Variants in VAV3 observed in about 807,000 individuals in gnomAD.
VAV3 encodes the protein guanine nucleotide exchange factor VAV3.
A neutral mutation model predicts 131.2 loss-of-function variants in VAV3; 94 were observed. The ratio of observed to expected loss-of-function variants is 0.72; its 90% CI spans 0.61 to 0.85. VAV3 has a LOEUF of 0.85. Among genes scored for constraint, VAV3 ranks in the 40% least tolerant of loss-of-function variants. The pLI, the probability that VAV3 is intolerant of heterozygous loss-of-function variation, is 0.00. For missense variants in VAV3, 939 were observed against 1,002.7 expected (o/e 0.94, Z 0.86); for synonymous variants, 349 against 342.0 (o/e 1.02, Z -0.22).
At chr1:107,731,371 A>G (rs1448611002) in intron 15 of VAV3, among the ~76,000 whole-genome samples, 1 of 152,228 alleles carries the variant, frequency 6.6e-6, no homozygotes, top group African/African-American at 2.4e-5. Context: ...TAGCACTGGT[A>G]AGCTACGTTA....
rs578255013 is a variant in VAV3, at chr1:107,842,593, A to G, written c.321+32308T>C. Among the ~76,000 whole-genome samples the G allele has an allele frequency of 1.2e-3, 180 of 152,350 alleles. 1 individual carries two copies. Among genetic ancestry groups the G allele is most frequent in the Middle Eastern group, 0.01 (3 of 294 alleles). The stretch of plus-strand genomic sequence containing the variant: ...AGCTTTTTAAACTGTTCTTGTTCAC[A>G]GCAAAGGTTTGAGGCAAGGTATGAG... On this transcript the variant is annotated intron_variant, in intron 2 of 26. Transcript: ENST00000370056.
intron 19 of VAV3, among the ~76,000 whole-genome samples, chr1:107,680,997 C>T (rs986083637): frequency 6.6e-6 from 1 of 152,138 alleles, no homozygotes; most frequent in African/African-American, 2.4e-5. Context: ...CTTATTAATT[C>T]ATGTAGCATT....
intron 25 of VAV3, among the ~76,000 whole-genome samples, chr1:107,589,185 T>A (rs1227432445): frequency 6.6e-6 from 1 of 152,034 alleles, no homozygotes; most frequent in Non-Finnish European, 1.5e-5. Flanking sequence ...CTGCAGTGGG[T>A]CGAATGGTGG....
At chr1:107,601,776 A>AT (rs922615071) in intron 24 of VAV3, among the ~76,000 whole-genome samples, 3 of 131,452 alleles carry the variant, frequency 2.3e-5, no homozygotes, top group Non-Finnish European at 5.2e-5. Flanking sequence ...AATAAGTTCT[A>AT]TTTTTTTTAA....
At chr1:107,865,390 T>G (rs75458126) in intron 2 of VAV3, among the ~76,000 whole-genome samples, 2 of 152,134 alleles carry the variant, frequency 1.3e-5, no homozygotes, top group Admixed American at 6.5e-5. Flanking sequence ...TTTTAAGCAG[T>G]GTGTGTATGA....
chr1:107,663,484 C>T (rs34049721), intron 19 of VAV3, among the ~76,000 whole-genome samples: 153 of 151,396 alleles, frequency 1.0e-3, no homozygotes, highest in Admixed American at 1.7e-3. Context: ...AACTTTGGAT[C>T]GAAAATGAAT....
At chr1:107,898,207 A>T (rs986046139) in intron 1 of VAV3, among the ~76,000 whole-genome samples, 2 of 152,148 alleles carry the variant, frequency 1.3e-5, no homozygotes, top group Non-Finnish European at 1.5e-5. Context: ...TATATAATGC[A>T]TGTATACATG....
Position 107,670,479 on chromosome 1 carries a change from A to AT in VAV3, c.1777+13008dup, listed in dbSNP as rs201685860. On this transcript the variant is annotated intron_variant, in intron 19 of 26. Coordinates refer to ENST00000370056, the MANE Select transcript of VAV3 (RefSeq NM_006113.5). ...ACCTTTGCAAATGAAGATTAAACATATTTTTTTTTTTGCCTTTCAGAAATG... is the reference window on the plus strand; with the variant it reads ...ACCTTTGCAAATGAAGATTAAACATATTTTTTTTTTTTGCCTTTCAGAAATG... Among the ~76,000 whole-genome samples the AT allele has an allele frequency of 7.5e-3, 1,112 of 148,042 alleles. 11 individuals are homozygous for AT. The highest frequency in any genetic ancestry group is 0.024 in the East Asian group (122 of 5,092).
At chr1:107,739,279 A>G (rs1392764341) in intron 15 of VAV3, among the ~76,000 whole-genome samples, 1 of 152,262 alleles carries the variant, frequency 6.6e-6, no homozygotes, top group African/African-American at 2.4e-5. Context: ...TTTGTCATGC[A>G]TGAAATACTT....
At chr1:107,593,360 A>G (rs1651118431) in intron 25 of VAV3, among the ~76,000 whole-genome samples, 1 of 152,090 alleles carries the variant, frequency 6.6e-6, no homozygotes, top group African/African-American at 2.4e-5. Flanking sequence ...TTTCTTTTCC[A>G]AGGTGACTAG....
chr1:107,914,266 T>A (rs1458835612), intron 1 of VAV3, among the ~76,000 whole-genome samples: 1 of 151,872 alleles, frequency 6.6e-6, no homozygotes, highest in Non-Finnish European at 1.5e-5. Flanking sequence ...CATGAGAAAA[T>A]TCAAAGGGCA....
At chr1:107,704,172 T>C (rs1660306224) in intron 17 of VAV3, among the ~76,000 whole-genome samples, 1 of 152,206 alleles carries the variant, frequency 6.6e-6, no homozygotes, top group South Asian at 2.1e-4. Context: ...AAAAAGGAAA[T>C]TTAAGAACTA....
chr1:107,855,035 A>G (rs980045023), intron 2 of VAV3, among the ~76,000 whole-genome samples: 20 of 152,170 alleles, frequency 1.3e-4, no homozygotes, highest in Non-Finnish European at 2.4e-4. Context: ...CACAAAAACA[A>G]AAGCATGGAA....
chr1:107,824,350 CTTTG>C lies in VAV3; in HGVS notation c.322-44862_322-44859del, dbSNP rs139437231. Among the ~76,000 whole-genome samples the C allele has an allele frequency of 2.8e-3, 421 of 152,232 alleles. 1 individual carries two copies. Among genetic ancestry groups the C allele is most frequent in the African/African-American group, 8.9e-3 (370 of 41,548 alleles). ...GGGGGAATATGGAAGCAAGGAACTT[CTTTG>C]TTTGTTTGTTTGTTTTACAGTGAAG... On this transcript the variant is annotated intron_variant, in intron 2 of 26. Transcript: ENST00000370056.
intron 12 of VAV3, among the ~76,000 whole-genome samples, chr1:107,755,200 A>G (rs1378965867): frequency 1.3e-5 from 2 of 152,170 alleles, no homozygotes; most frequent in African/African-American, 4.8e-5. Context: ...CTGGGAGAAG[A>G]GGCAGAGTGT....
At chr1:107,963,416 A>G (rs1675237077) in intron 1 of VAV3, 1 of 152,070 alleles carries the variant, frequency 6.6e-6, no homozygotes, top group Admixed American at 6.5e-5. Flanking sequence ...AAAATAATTT[A>G]CCTCACTTTT....
chr1:107,842,955 TTATC>T (rs575138467), intron 2 of VAV3, among the ~76,000 whole-genome samples: 85 of 152,232 alleles, frequency 5.6e-4, no homozygotes, highest in African/African-American at 2.0e-3. Context: ...ATGAGGAACT[TTATC>T]TATGATGAGA....
intron 2 of VAV3, among the ~76,000 whole-genome samples, chr1:107,871,365 A>C (rs1248375841): frequency 6.7e-6 from 1 of 148,398 alleles, no homozygotes; most frequent in Non-Finnish European, 1.5e-5. Flanking sequence ...CAGCAGTCTT[A>C]GAAAAGAAAT....
chr1:107,789,220 A>T (rs1666164156), intron 2 of VAV3, among the ~76,000 whole-genome samples: 1 of 152,224 alleles, frequency 6.6e-6, no homozygotes, highest in Non-Finnish European at 1.5e-5. Flanking sequence ...CAAAGTCAAC[A>T]CATTTTCCAA....
Sources: gnomAD v4.1 joint callset for allele counts (sites outside exome capture counted in the v4.1 genomes callset) on GRCh38, gnomAD v4.1.1 for gene constraint, MANE v1.5 for transcripts, NCBI Gene and HGNC (gene_info 2026-07-23, HGNC 2026-07-21) for gene names.